CAPS2: variants seen among roughly 807,000 people sequenced by gnomAD.
The protein encoded by CAPS2 is calcyphosin-2.
CAPS2 carries 98 observed loss-of-function variants against 86.5 expected under a neutral mutation model. The ratio of observed to expected loss-of-function variants is 1.13; its 90% CI spans 0.96 to 1.34. The LOEUF (loss-of-function observed/expected upper bound fraction) is 1.34, where lower values mean the gene tolerates loss of function less well. CAPS2 is among the 40% of genes most tolerant of loss of function. The pLI is 0.00. For missense variants in CAPS2, 729 were observed against 686.8 expected (o/e 1.06, Z -0.69); for synonymous variants, 210 against 225.1 (o/e 0.93, Z 0.60).
chr12:75,305,915 T>C, intron 7 of CAPS2: 1 of 924,056 alleles, frequency 1.1e-6, no homozygotes, highest in Admixed American at 1.8e-5. Context: ...CTCCACACCA[T>C]GAAGTCTGCG....
intron 1 of CAPS2, among the ~76,000 whole-genome samples, chr12:75,358,744 AAT>A (rs1247773693): frequency 1.4e-5 from 2 of 145,116 alleles, no homozygotes; most frequent in South Asian, 4.2e-4. Flanking sequence ...ATATGGTTTA[AAT>A]ATATATAATA....
downstream of CAPS2, chr12:75,277,087 A>T: frequency 1.0e-6 from 1 of 984,408 alleles, no homozygotes; most frequent in South Asian, 4.7e-5. Context: ...ACACCAAAAA[A>T]AATCTCATAA....
chr12:75,352,361 T>C (rs1384837006), intron 1 of CAPS2, among the ~76,000 whole-genome samples: 5 of 152,202 alleles, frequency 3.3e-5, no homozygotes, highest in Non-Finnish European at 5.9e-5. Context: ...TCCTAGTTTC[T>C]GATAAAACAA....
At chr12:75,279,027 C>T (rs761292304) in exon 17 of CAPS2, 3 of 1,604,572 alleles carry the variant, frequency 1.9e-6, no homozygotes. Context: ...TTTAATGTTT[C>T]TAGAAAGGAT....
At chr12:75,339,214 C>T (rs914029020) in intron 1 of CAPS2, among the ~76,000 whole-genome samples, 3 of 152,108 alleles carry the variant, frequency 2.0e-5, no homozygotes, top group African/African-American at 7.2e-5. Flanking sequence ...TTTACACTCC[C>T]ACCAACAATG....
upstream of CAPS2, chr12:75,335,045 T>C: frequency 2.8e-6 from 2 of 718,170 alleles, no homozygotes; most frequent in Non-Finnish European, 4.6e-6. Flanking sequence ...CACACCTTGG[T>C]TGGGCTGTCT....
intron 14 of CAPS2, among the ~76,000 whole-genome samples, chr12:75,288,681 A>T (rs377075201): frequency 7.8e-4 from 119 of 152,298 alleles, no homozygotes; most frequent in Middle Eastern, 3.4e-3. Flanking sequence ...TGTACCAGAC[A>T]TTTCTCTCCA....
chr12:75,377,852 T>C (rs2044736126), intron 1 of CAPS2, among the ~76,000 whole-genome samples: 1 of 42,142 alleles, frequency 2.4e-5, no homozygotes, highest in Non-Finnish European at 5.3e-5. Context: ...TATATATATA[T>C]ATATATATGC....
At chr12:75,276,764 A>T, downstream of CAPS2, 1 of 870,196 alleles carries the variant, frequency 1.1e-6, no homozygotes, top group Non-Finnish European at 1.4e-6. Context: ...ATAGCATACA[A>T]GCAAGTAACT....
At chr12:75,295,694 G>A (rs889454020) in intron 11 of CAPS2, among the ~76,000 whole-genome samples, 1 of 152,066 alleles carries the variant, frequency 6.6e-6, no homozygotes, top group Non-Finnish European at 1.5e-5. Context: ...TTCAAGGGTA[G>A]TTATACCATC....
intron 6 of CAPS2, 46 bp from the exon 7 acceptor site, chr12:75,312,961 C>A (rs1434933307): frequency 9.2e-7 from 1 of 1,085,850 alleles, no homozygotes; most frequent in Non-Finnish European, 1.4e-6. Context: ...TAAAGCAGAA[C>A]CATACAATAC....
chr12:75,361,332 G>A (rs1319683339), intron 1 of CAPS2, among the ~76,000 whole-genome samples: 1 of 152,176 alleles, frequency 6.6e-6, no homozygotes, highest in Non-Finnish European at 1.5e-5. Context: ...AGAGGAGAGT[G>A]CACCAAACAA....
intron 1 of CAPS2, 71 bp from the exon 3 acceptor site, chr12:75,325,359 C>T (rs936704242): frequency 7.4e-6 from 8 of 1,082,624 alleles, no homozygotes; most frequent in African/African-American, 6.5e-5. Flanking sequence ...AAGAGATACA[C>T]AATAAGTCAA....
At chr12:75,367,853 C>A (rs761892073) in intron 1 of CAPS2, among the ~76,000 whole-genome samples, 7 of 152,104 alleles carry the variant, frequency 4.6e-5, no homozygotes, top group Admixed American at 4.6e-4. Flanking sequence ...TAAGCTGTAA[C>A]AATAGACACA....
At chr12:75,294,382 A>G (rs2036526709) in intron 11 of CAPS2, among the ~76,000 whole-genome samples, 1 of 152,204 alleles carries the variant, frequency 6.6e-6, no homozygotes, top group Non-Finnish European at 1.5e-5. Flanking sequence ...TCTCTTTGAA[A>G]TGTATACAAA....
chr12:75,352,489 C>G (rs1287262454), intron 1 of CAPS2, among the ~76,000 whole-genome samples: 1 of 152,150 alleles, frequency 6.6e-6, no homozygotes, highest in Non-Finnish European at 1.5e-5. Flanking sequence ...ACAGGAGCAC[C>G]CAGATTCATA....
At chr12:75,362,926 G>A (rs936236075) in intron 1 of CAPS2, among the ~76,000 whole-genome samples, 2 of 151,958 alleles carry the variant, frequency 1.3e-5, no homozygotes, top group Non-Finnish European at 2.9e-5. Context: ...ATCCTGTAAG[G>A]AATTGTTTTA....
upstream of CAPS2, among the ~76,000 whole-genome samples, chr12:75,332,643 T>C (rs916844769): frequency 6.6e-6 from 1 of 152,168 alleles, no homozygotes; most frequent in African/African-American, 2.4e-5. Flanking sequence ...TACAGTTGTA[T>C]ACAACATTAT....
At chr12:75,304,987 C>T in intron 7 of CAPS2, 111 bp from the exon 8 acceptor site, 1 of 710,836 alleles carries the variant, frequency 1.4e-6, no homozygotes, top group Non-Finnish European at 2.2e-6. Context: ...AAATTTACAA[C>T]ACTGTCAGAA....
Sources: allele counts gnomAD v4.1 joint callset (sites outside exome capture counted in the v4.1 genomes callset), GRCh38; gene constraint gnomAD v4.1.1; transcripts MANE v1.5; gene names NCBI Gene and HGNC (gene_info 2026-07-23, HGNC 2026-07-21).